TCF7L2: variants seen among roughly 807,000 people sequenced by gnomAD.
TCF7L2 encodes the protein transcription factor 7 like 2.
TCF7L2 carries 23 observed loss-of-function variants against 77.9 expected under a neutral mutation model. The ratio of observed to expected loss-of-function variants is 0.30; its 90% CI spans 0.21 to 0.42. The LOEUF is 0.42. TCF7L2 is among the 10% of genes least tolerant of loss of function. The probability of loss-of-function intolerance (pLI) is 1.00; values close to 1 mark genes in which losing one functional copy is unlikely to be tolerated. For synonymous variants in TCF7L2, 413 were observed against 340.2 expected, an observed-to-expected ratio of 1.21 and a Z score of -2.36; for missense variants, 654 against 793.1, an observed-to-expected ratio of 0.82 and a Z score of 2.11.
chr10:113,159,905 C>T lies in TCF7L2; in HGVS notation c.1319-714C>T, dbSNP rs773069234. On this transcript the variant is annotated intron_variant, in intron 12 of 13. Coordinates refer to ENST00000627217, the MANE Select transcript of TCF7L2 (RefSeq NM_001146274.2). ...GTTCTCCTCCTCTGCTCGCTTCTCT[C>T]TTGAACTCATTCAGACCTGAGCGCT... 1.4e-6 allele frequency: 2 copies of T among 1,439,254 alleles called. No homozygotes were observed. The highest frequency in any genetic ancestry group is 9.3e-7 in the Non-Finnish European group (1 of 1,072,012). The allele number at this position is 1,439,254 out of a possible 1,614,324, so 89.2% of individuals were successfully genotyped here.
chr10:113,137,284 A>G (rs2067567479), intron 5 of TCF7L2, among the ~76,000 whole-genome samples: 1 of 152,184 alleles, frequency 6.6e-6, no homozygotes, highest in African/African-American at 2.4e-5. Flanking sequence ...AGAAGAGGCT[A>G]GAGGGATAGT....
intron 5 of TCF7L2, among the ~76,000 whole-genome samples, chr10:113,128,336 T>G (rs1231489449): frequency 6.6e-6 from 1 of 152,180 alleles, no homozygotes; most frequent in Non-Finnish European, 1.5e-5. Flanking sequence ...TTTTTAAGCC[T>G]GCCCAGCCCT....
At chr10:113,096,021 C>T (rs1299360924) in intron 5 of TCF7L2, among the ~76,000 whole-genome samples, 1 of 152,128 alleles carries the variant, frequency 6.6e-6, no homozygotes, top group Non-Finnish European at 1.5e-5. Context: ...TGTTTTGGCT[C>T]CTCCCCTTTT....
intron 3 of TCF7L2, among the ~76,000 whole-genome samples, chr10:112,955,836 A>G (rs1383967073): frequency 6.6e-6 from 1 of 152,056 alleles, no homozygotes; most frequent in African/African-American, 2.4e-5. Flanking sequence ...TCTGCACGCC[A>G]TTGAAAAAAA....
At chr10:113,161,500 G>A (rs2073159189) in intron 13 of TCF7L2, 9 of 1,467,806 alleles carry the variant, frequency 6.1e-6, no homozygotes, top group Middle Eastern at 1.7e-4. Context: ...GAGGGATACC[G>A]ACTAGCTCCT....
intron 5 of TCF7L2, among the ~76,000 whole-genome samples, chr10:113,070,266 A>ATTTTAT (rs953072031): frequency 1.0e-5 from 1 of 96,464 alleles, no homozygotes; most frequent in East Asian, 2.8e-4. Context: ...AAAAAAAAAA[A>ATTTTAT]ATTTATATAT....
intron 5 of TCF7L2, chr10:113,129,685 A>C: frequency 8.4e-7 from 1 of 1,191,996 alleles, no homozygotes; most frequent in Non-Finnish European, 1.1e-6. Flanking sequence ...AGCCATTTCG[A>C]TCTTTTTAGA....
At chr10:113,147,513 A>C (rs187046574) in intron 8 of TCF7L2, among the ~76,000 whole-genome samples, 43 of 152,338 alleles carry the variant, frequency 2.8e-4, no homozygotes, top group African/African-American at 9.9e-4. Flanking sequence ...GTTAGGTAGG[A>C]AAACGCTCGT....
At position 112,950,557 on chromosome 10, in the gene TCF7L2, TC is replaced by T. The variant is rs1184129874; in HGVS notation, c.-192del. 101 of 478,240 alleles carry T rather than the reference TC, an allele frequency of 2.1e-4. No individual in the cohort carries two copies. The highest frequency in any genetic ancestry group is 5.6e-4 in the Middle Eastern group (1 of 1,778). 29.6% of individuals were successfully genotyped at this position (478,240 alleles called of 1,614,324 possible). On this transcript the variant is annotated 5_prime_UTR_variant, in exon 1 of 14. Coordinates refer to ENST00000627217, the MANE Select transcript of TCF7L2 (RefSeq NM_001146274.2). Reference sequence around the variant, plus strand: ...CCCAAACTCACGCGTGCAGAAGATCTCCCCCCCCTTCCCCTCCCCTCCTCCC... The same window carrying T: ...CCCAAACTCACGCGTGCAGAAGATCTCCCCCCCTTCCCCTCCCCTCCTCCC...
intron 5 of TCF7L2, chr10:113,129,414 T>A (rs1219451464): frequency 2.0e-6 from 2 of 1,000,168 alleles, no homozygotes; most frequent in Non-Finnish European, 2.4e-6. Flanking sequence ...TGCCCTGAGC[T>A]GGCTGGGGAA....
At chr10:113,111,320 A>G (rs1404594319) in intron 5 of TCF7L2, among the ~76,000 whole-genome samples, 1 of 152,142 alleles carries the variant, frequency 6.6e-6, no homozygotes, top group Non-Finnish European at 1.5e-5. Flanking sequence ...TGATTCACTG[A>G]TATATCTATC....
At chr10:112,966,758 C>T (rs1351595904) in intron 4 of TCF7L2, among the ~76,000 whole-genome samples, 2 of 152,148 alleles carry the variant, frequency 1.3e-5, no homozygotes, top group African/African-American at 4.8e-5. Flanking sequence ...CCACCTGGCA[C>T]GGTGCAGGCC....
At chr10:113,070,769 A>G (rs1279117021) in intron 5 of TCF7L2, among the ~76,000 whole-genome samples, 1 of 152,226 alleles carries the variant, frequency 6.6e-6, no homozygotes, top group Non-Finnish European at 1.5e-5. Context: ...TTCTTAAAAA[A>G]TTATACAGTT....
intron 4 of TCF7L2, among the ~76,000 whole-genome samples, chr10:112,969,151 C>T (rs1296464882): frequency 1.3e-5 from 2 of 152,158 alleles, no homozygotes; most frequent in African/African-American, 2.4e-5. Flanking sequence ...CTTCCTCTCT[C>T]CCCTGCCCCC....
intron 3 of TCF7L2, among the ~76,000 whole-genome samples, chr10:112,962,312 G>A (rs2035470653): frequency 6.6e-6 from 1 of 152,082 alleles, no homozygotes; most frequent in African/African-American, 2.4e-5. Flanking sequence ...TCAGGCGATT[G>A]GAAAAGAAGA....
At chr10:113,057,622 T>C (rs2055624972) in intron 5 of TCF7L2, among the ~76,000 whole-genome samples, 1 of 152,230 alleles carries the variant, frequency 6.6e-6, no homozygotes, top group African/African-American at 2.4e-5. Context: ...ACTAATAAAA[T>C]AGAAATAAAT....
chr10:113,104,163 A>C (rs1275813061), intron 5 of TCF7L2, among the ~76,000 whole-genome samples: 2 of 152,182 alleles, frequency 1.3e-5, no homozygotes, highest in Non-Finnish European at 2.9e-5. Flanking sequence ...ATGGGCAAAG[A>C]GATGATTTCC....
intron 4 of TCF7L2, among the ~76,000 whole-genome samples, chr10:112,979,764 A>AT (rs398097212): frequency 8.0e-6 from 1 of 124,386 alleles, no homozygotes; most frequent in Admixed American, 8.9e-5. Flanking sequence ...TCAAAAAAAA[A>AT]TAAAAAAAAT....
At chr10:113,081,248 T>C (rs1012847819) in intron 5 of TCF7L2, among the ~76,000 whole-genome samples, 1 of 152,242 alleles carries the variant, frequency 6.6e-6, no homozygotes, top group Admixed American at 6.5e-5. Flanking sequence ...GATCAGACCC[T>C]CTTCTCCCTC....
Sources: allele counts gnomAD v4.1 joint callset (sites outside exome capture counted in the v4.1 genomes callset), GRCh38; gene constraint gnomAD v4.1.1; transcripts MANE v1.5; gene names NCBI Gene and HGNC (gene_info 2026-07-23, HGNC 2026-07-21).